GABRG3: variants seen among roughly 807,000 people sequenced by gnomAD.
GABRG3 encodes the protein gamma-aminobutyric acid receptor subunit gamma-3.
In GABRG3, 25 loss-of-function variants were observed where a neutral mutation model predicts 48.8. That is an observed-to-expected ratio of 0.51 (90% CI 0.37 to 0.72). GABRG3 has a LOEUF of 0.72. Ranked by LOEUF, GABRG3 falls within the 30% of genes least tolerant of loss-of-function variation. GABRG3 has a pLI of 0.00. For synonymous variants in GABRG3, 227 were observed against 217.6 expected (o/e 1.04, Z -0.38); for missense variants, 394 against 577.9 (o/e 0.68, Z 3.26).
chr15:27,365,858 C>A (rs1290053798), intron 5 of GABRG3: 1 of 152,126 alleles, frequency 6.6e-6, no homozygotes, highest in Non-Finnish European at 1.5e-5. Flanking sequence ...GCTGCTTTCA[C>A]TATACTGTGA....
At position 27,518,369 on chromosome 15, in the gene GABRG3, C is replaced by CAAA. The variant is rs3058095; in HGVS notation, c.713-1592_713-1590dup. Among the ~76,000 whole-genome samples, 243 of 126,874 alleles carry CAAA rather than the reference C, an allele frequency of 1.9e-3. 12 individuals carry two copies. The highest frequency in any genetic ancestry group is 0.013 in the East Asian group (58 of 4,380). The allele number at this position is 126,874 out of a possible 152,430, so 83.2% of individuals were successfully genotyped here. On this transcript the variant is annotated intron_variant, in intron 6 of 9. Coordinates refer to ENST00000615808, the MANE Select transcript of GABRG3 (RefSeq NM_033223.5). Reference sequence around the variant, plus strand: ...GGGTGACAAGAGTGAAACTCTGTCTCAAAAAAAAAAAAATGGGACATCAGT... The same window carrying CAAA: ...GGGTGACAAGAGTGAAACTCTGTCTCAAAAAAAAAAAAAAAATGGGACATCAGT...
At chr15:27,407,078 C>T (rs765392019) in intron 5 of GABRG3, among the ~76,000 whole-genome samples, 7 of 152,092 alleles carry the variant, frequency 4.6e-5, no homozygotes, top group South Asian at 2.1e-4. Context: ...GGGGCACGTG[C>T]GACCACGGCC....
chr15:27,336,062 G>A (rs1227290292), intron 5 of GABRG3, among the ~76,000 whole-genome samples: 1 of 152,048 alleles, frequency 6.6e-6, no homozygotes, highest in Non-Finnish European at 1.5e-5. Flanking sequence ...GGTGGTGCAT[G>A]CCTGTAATCC....
intron 5 of GABRG3, among the ~76,000 whole-genome samples, chr15:27,350,887 T>TGGGG (rs1555373853): frequency 0.036 from 5,525 of 151,754 alleles, 235 homozygotes; most frequent in African/African-American, 0.091. Context: ...GGTGTGTGTG[T>TGGGG]GTCGTGTGTG....
Position 26,977,169 on chromosome 15 carries a change from T to C in GABRG3, c.202+19T>C, listed in dbSNP as rs755033920. ...ATTGGAAGTGAGTGTTGTTTTTTGT[T>C]ATTCTAATAGAAAAATATGCTGTAG... On this transcript the variant is annotated intron_variant, in intron 2 of 9. Transcript: ENST00000615808. 3 of 1,601,732 alleles carry C rather than the reference T, an allele frequency of 1.9e-6. No homozygotes were observed. The Admixed American group carries it at 5.2e-5, about 28-fold the overall frequency.
intron 3 of GABRG3, among the ~76,000 whole-genome samples, chr15:27,255,926 G>A (rs1353713352): frequency 6.6e-6 from 1 of 152,202 alleles, no homozygotes; most frequent in Non-Finnish European, 1.5e-5. Flanking sequence ...GAGTGTGGAA[G>A]GCAGAATAAT....
chr15:26,986,025 C>A (rs1895145130), intron 2 of GABRG3, among the ~76,000 whole-genome samples: 1 of 152,076 alleles, frequency 6.6e-6, no homozygotes, highest in Non-Finnish European at 1.5e-5. Context: ...CTGGTGGCTG[C>A]CTGCCGGACC....
chr15:27,312,511 C>T (rs555629072), intron 3 of GABRG3, among the ~76,000 whole-genome samples: 2 of 152,074 alleles, frequency 1.3e-5, no homozygotes, highest in South Asian at 4.2e-4. Flanking sequence ...TGCCAAAAGT[C>T]AGAAAAAGAG....
At chr15:27,061,558 C>T (rs1238363813) in intron 3 of GABRG3, among the ~76,000 whole-genome samples, 1 of 151,336 alleles carries the variant, frequency 6.6e-6, no homozygotes. Flanking sequence ...TCTCAAGTTT[C>T]ATCCATGTAT....
chr15:27,135,868 G>A (rs1267023520), intron 3 of GABRG3, among the ~76,000 whole-genome samples: 1 of 152,172 alleles, frequency 6.6e-6, no homozygotes, highest in Non-Finnish European at 1.5e-5. Flanking sequence ...TCATGCCACT[G>A]CACTCCAGCC....
At chr15:27,330,068 T>A (rs1351555331) in intron 5 of GABRG3, among the ~76,000 whole-genome samples, 4 of 152,092 alleles carry the variant, frequency 2.6e-5, no homozygotes, top group Non-Finnish European at 5.9e-5. Flanking sequence ...GGTGAAACCC[T>A]GTCTCTACTA....
At position 27,300,572 on chromosome 15, in the gene GABRG3, G is replaced by A. The variant is rs143764280; in HGVS notation, c.271-26237G>A. Among the ~76,000 whole-genome samples, 923 of 150,994 alleles carry A rather than the reference G, an allele frequency of 6.1e-3. 9 individuals are homozygous for A. The highest frequency in any genetic ancestry group is 0.022 in the African/African-American group (899 of 41,078). On this transcript the variant is annotated intron_variant, in intron 3 of 9. Transcript: ENST00000615808. ...CTTGAGAGGCTGAGGCAGGAGAATC[G>A]CTTGAACCTGGGAGTTGGAAGTTGC... is the stretch of plus-strand genomic sequence containing the variant.
intron 5 of GABRG3, among the ~76,000 whole-genome samples, chr15:27,431,286 A>G (rs1234198767): frequency 6.6e-6 from 1 of 152,096 alleles, no homozygotes; most frequent in Non-Finnish European, 1.5e-5. Context: ...GCCATCTGGA[A>G]GTTTTAAAAA....
At chr15:27,490,990 C>T (rs1184688462) in intron 6 of GABRG3, among the ~76,000 whole-genome samples, 2 of 152,128 alleles carry the variant, frequency 1.3e-5, no homozygotes, top group Non-Finnish European at 2.9e-5. Context: ...AGTAGTTCAC[C>T]TTCTCCTTTT....
chr15:27,007,596 A>G (rs1422509687), intron 2 of GABRG3, among the ~76,000 whole-genome samples: 1 of 152,170 alleles, frequency 6.6e-6, no homozygotes, highest in African/African-American at 2.4e-5. Flanking sequence ...TTGGCTTCCT[A>G]ATAATAGCCA....
chr15:27,193,683 A>G (rs932398306), intron 3 of GABRG3, among the ~76,000 whole-genome samples: 1 of 152,186 alleles, frequency 6.6e-6, no homozygotes, highest in African/African-American at 2.4e-5. Flanking sequence ...GAGTGAGGCA[A>G]TGCCTCTCCC....
chr15:27,373,702 C>G (rs979012047), intron 5 of GABRG3, among the ~76,000 whole-genome samples: 5 of 152,146 alleles, frequency 3.3e-5, no homozygotes, highest in African/African-American at 9.7e-5. Context: ...CTGGCGCTTA[C>G]TTTGCTGTTT....
chr15:27,379,258 C>T (rs1474162102), intron 5 of GABRG3, among the ~76,000 whole-genome samples: 1 of 152,108 alleles, frequency 6.6e-6, no homozygotes, highest in Non-Finnish European at 1.5e-5. Flanking sequence ...CTTGAGTTTG[C>T]AATATACAGT....
At chr15:27,428,586 A>G (rs535680732) in intron 5 of GABRG3, among the ~76,000 whole-genome samples, 225 of 152,318 alleles carry the variant, frequency 1.5e-3, no homozygotes, top group African/African-American at 5.2e-3. Flanking sequence ...GTAATTTTCA[A>G]AAATAACATA....
Sources: allele counts gnomAD v4.1 joint callset (sites outside exome capture counted in the v4.1 genomes callset), GRCh38; gene constraint gnomAD v4.1.1; transcripts MANE v1.5; gene names NCBI Gene and HGNC (gene_info 2026-07-23, HGNC 2026-07-21).